The following NFIB variants were observed in gnomAD, a reference collection of about 807,000 sequenced individuals.
NFIB encodes the protein nuclear factor I B.
A neutral mutation model predicts 61.5 loss-of-function variants in NFIB; 11 were observed. The observed-to-expected ratio is 0.18, with a 90% CI of 0.11 to 0.30. The LOEUF (loss-of-function observed/expected upper bound fraction) is 0.30, where lower values mean the gene tolerates loss of function less well. Among genes scored for constraint, NFIB ranks in the 10% least tolerant of loss-of-function variants. The pLI, the probability that NFIB is intolerant of heterozygous loss-of-function variation, is 1.00. For missense variants in NFIB, 471 were observed against 608.9 expected (o/e 0.77, Z 2.38); for synonymous variants, 260 against 216.5 (o/e 1.20, Z -1.76).
intron 1 of NFIB, among the ~76,000 whole-genome samples, chr9:14,360,638 G>A (rs1353721166): frequency 4.6e-5 from 7 of 150,936 alleles, no homozygotes; most frequent in Admixed American, 2.6e-4. Flanking sequence ...TCCGCCTCCC[G>A]GGCTCACACC....
At chr9:14,236,575 T>G (rs13294194) in intron 2 of NFIB, among the ~76,000 whole-genome samples, 3,250 of 152,314 alleles carry the variant, frequency 0.021, 41 homozygotes, top group African/African-American at 0.036. Context: ...CTGGACTAAC[T>G]GAAGAGGGAA....
At chr9:14,322,030 G>C (rs1160140815) in intron 1 of NFIB, 1 of 1,200,378 alleles carries the variant, frequency 8.3e-7, no homozygotes, top group Non-Finnish European at 1.0e-6. Context: ...GTACAGATTT[G>C]TGGATTTTCT....
chr9:14,295,678 T>C (rs906013675), intron 2 of NFIB, among the ~76,000 whole-genome samples: 3 of 151,786 alleles, frequency 2.0e-5, no homozygotes, highest in Non-Finnish European at 4.4e-5. Context: ...CTATCCCATC[T>C]AGCCACATCA....
rs1391285144 is a variant in NFIB at position 14,084,341 on chromosome 9, C to G, written c.*3968G>C. On this transcript the variant is annotated 3_prime_UTR_variant, in exon 11 of 11. Coordinates refer to ENST00000380953, the MANE Select transcript of NFIB (RefSeq NM_001190737.2). ...AACTATACAGTGTACAAATTACTGT[C>G]TACAAGGTAGGCGGTTCATTAAGAA... 4.6e-6 allele frequency: 1 copy of G among 217,634 alleles called. No individual in the cohort carries two copies. The allele number at this position is 217,634 out of a possible 1,614,324, so 13.5% of individuals were successfully genotyped here. A position where few individuals can be genotyped will look rare whatever the true frequency, so the allele number is the denominator to read the frequency against.
In NFIB at chr9:14,086,902, T is replaced by A. The variant is rs968145298; in HGVS notation, c.*1407A>T. Reference sequence around the variant, plus strand: ...TTTTTAATTAAAATTTTAAGAGACATAGAGGCAAAATGTGTCTGCCCATGC... The same window carrying A: ...TTTTTAATTAAAATTTTAAGAGACAAAGAGGCAAAATGTGTCTGCCCATGC... On this transcript the variant is annotated 3_prime_UTR_variant, in exon 11 of 11. Coordinates refer to ENST00000380953, the MANE Select transcript of NFIB (RefSeq NM_001190737.2). The A allele has an allele frequency of 5.0e-6, 1 of 201,646 alleles. No homozygotes were observed. Among genetic ancestry groups the A allele is most frequent in the South Asian group, 1.9e-4 (1 of 5,234 alleles). 12.5% of individuals were successfully genotyped at this position (201,646 alleles called of 1,614,324 possible). A position where few individuals can be genotyped will look rare whatever the true frequency, so the allele number is the denominator to read the frequency against.
intron 9 of NFIB, among the ~76,000 whole-genome samples, chr9:14,115,654 T>TA (rs1364934012): frequency 2.6e-4 from 40 of 152,290 alleles, no homozygotes; most frequent in African/African-American, 9.6e-4. Flanking sequence ...AAAGTACAGG[T>TA]AGCTTACATG....
chr9:14,176,088 C>G (rs1349850147), intron 3 of NFIB, among the ~76,000 whole-genome samples: 2 of 152,146 alleles, frequency 1.3e-5, no homozygotes, highest in Non-Finnish European at 2.9e-5. Flanking sequence ...TCCAATCAAT[C>G]ACACATTTCC....
chr9:14,202,909 T>A (rs2049210278), intron 2 of NFIB, among the ~76,000 whole-genome samples: 1 of 152,240 alleles, frequency 6.6e-6, no homozygotes, highest in African/African-American at 2.4e-5. Flanking sequence ...AACAGTTGAA[T>A]GCTACTTACA....
chr9:14,398,974 C>T (rs899952652), exon 1 of NFIB: 32 of 248,652 alleles, frequency 1.3e-4, no homozygotes, highest in Non-Finnish European at 2.2e-4. Flanking sequence ...TAGACCTGTA[C>T]TGCCCAATAT....
At chr9:14,309,796 C>T (rs1019797153) in intron 1 of NFIB, among the ~76,000 whole-genome samples, 8 of 152,188 alleles carry the variant, frequency 5.3e-5, no homozygotes, top group African/African-American at 1.7e-4. Flanking sequence ...AAACTCACTT[C>T]CTATAATCTT....
At chr9:14,434,975 A>G in the NFIB span, among the ~76,000 whole-genome samples, 1 of 152,226 alleles carries the variant, frequency 6.6e-6, no homozygotes, top group Non-Finnish European at 1.5e-5. Flanking sequence ...GGCTTCTAGA[A>G]GGAGGATATC....
chr9:14,295,311 C>T (rs1419932121), intron 2 of NFIB, among the ~76,000 whole-genome samples: 2 of 152,142 alleles, frequency 1.3e-5, no homozygotes, highest in African/African-American at 4.8e-5. Flanking sequence ...AGTCTGAAAA[C>T]CAGCAGCATG....
the NFIB span, among the ~76,000 whole-genome samples, chr9:14,431,367 A>G: frequency 1.3e-5 from 2 of 152,182 alleles, no homozygotes. Flanking sequence ...TTTTTAAAAA[A>G]AAACTTCTGA....
chr9:14,350,014 C>T (rs1256697291), intron 1 of NFIB, among the ~76,000 whole-genome samples: 2 of 152,162 alleles, frequency 1.3e-5, no homozygotes, highest in Non-Finnish European at 1.5e-5. Flanking sequence ...TGGAAAAACT[C>T]GTGCAAACTT....
chr9:14,309,176 T>C (rs2060168941), intron 1 of NFIB, among the ~76,000 whole-genome samples: 1 of 152,224 alleles, frequency 6.6e-6, no homozygotes, highest in Non-Finnish European at 1.5e-5. Context: ...GACTGACTAA[T>C]TAATTCCATT....
At position 14,382,190 on chromosome 9, in the gene NFIB, A is replaced by G. The variant is rs72700541; in HGVS notation, c.108+16334T>C. Among the ~76,000 whole-genome samples, 1,398 of 152,290 alleles carry G rather than the reference A, an allele frequency of 9.2e-3. 14 individuals carry two copies. The highest frequency in any genetic ancestry group is 0.014 in the Non-Finnish European group (952 of 68,034). Reference sequence around the variant, plus strand: ...TGAGTTAGCTTCCTAAAAAAGTTATAAAGTCTTGGAGATACCCTCTGGAAG... The same window carrying G: ...TGAGTTAGCTTCCTAAAAAAGTTATGAAGTCTTGGAGATACCCTCTGGAAG... On this transcript the variant is annotated intron_variant, in intron 1 of 8. Coordinates refer to the NFIB transcript ENST00000380934.
chr9:14,189,819 G>A (rs1052584499), intron 2 of NFIB, among the ~76,000 whole-genome samples: 1 of 150,360 alleles, frequency 6.7e-6, no homozygotes, highest in African/African-American at 2.5e-5. Flanking sequence ...GTTTTACAGA[G>A]AACAAGATGA....
chr9:14,290,702 A>G (rs1315630117), intron 2 of NFIB, among the ~76,000 whole-genome samples: 3 of 152,100 alleles, frequency 2.0e-5, no homozygotes, highest in Non-Finnish European at 4.4e-5. Flanking sequence ...TAAAACAGTG[A>G]CCAATCACTA....
chr9:14,463,664 T>TCC, the NFIB span, among the ~76,000 whole-genome samples: 6 of 67,118 alleles, frequency 8.9e-5, 1 homozygote, highest in African/African-American at 1.2e-4. Context: ...ATTTTCTTTT[T>TCC]TTTTTTTTTT....
Sources: gnomAD v4.1 joint callset for allele counts (sites outside exome capture counted in the v4.1 genomes callset) on GRCh38, gnomAD v4.1.1 for gene constraint, MANE v1.5 for transcripts, NCBI Gene and HGNC (gene_info 2026-07-23, HGNC 2026-07-21) for gene names.